Variants in HOXB3 observed in about 807,000 individuals in gnomAD.
HOXB3 encodes the protein homeobox protein Hox-B3.
A neutral mutation model predicts 29.2 loss-of-function variants in HOXB3; 17 were observed. The ratio of observed to expected loss-of-function variants is 0.58; its 90% CI spans 0.40 to 0.87. The LOEUF (loss-of-function observed/expected upper bound fraction) is 0.87, where lower values mean the gene tolerates loss of function less well. Among genes scored for constraint, HOXB3 ranks in the 40% least tolerant of loss-of-function variants. The pLI, the probability that HOXB3 is intolerant of heterozygous loss-of-function variation, is 0.00. For synonymous variants in HOXB3, 317 were observed against 285.9 expected (o/e 1.11, Z -1.10); for missense variants, 637 against 616.3 (o/e 1.03, Z -0.35).
Position 48,554,129 on chromosome 17 carries a change from C to A in HOXB3, c.-159+1402G>T, listed in dbSNP as rs2068868121. Among the ~76,000 whole-genome samples the A allele has an allele frequency of 6.6e-6, 1 of 152,224 alleles. No individual in the cohort carries two copies. The highest frequency in any genetic ancestry group is 2.1e-4 in the South Asian group (1 of 4,830). On this transcript the variant is annotated intron_variant, in intron 3 of 4. Coordinates refer to ENST00000498678, the MANE Select transcript of HOXB3 (RefSeq NM_001384749.1). This position sits in a 1 kb window ranked among gnomAD's most constrained non-coding sequence, Gnocchi z 4.1. Reference sequence around the variant, plus strand: ...GAGAACCAGAGTTCAATTGACCAGGCTGACCCAATCCCTTTATTATTATTA... The same window carrying A: ...GAGAACCAGAGTTCAATTGACCAGGATGACCCAATCCCTTTATTATTATTA...
chr17:48,569,122 C>T (rs1291085032), intron 2 of HOXB3, among the ~76,000 whole-genome samples: 1 of 151,484 alleles, frequency 6.6e-6, no homozygotes, highest in Non-Finnish European at 1.5e-5. Context: ...TTGAATTGCA[C>T]GTCAGAAACA....
chr17:48,558,429 T>C (rs780965193), intron 2 of HOXB3, among the ~76,000 whole-genome samples: 1 of 152,114 alleles, frequency 6.6e-6, no homozygotes, highest in African/African-American at 2.4e-5. Flanking sequence ...AGAGGACATA[T>C]ACCCCCAAAT....
At chr17:48,557,948 A>G (rs1042322990) in intron 2 of HOXB3, among the ~76,000 whole-genome samples, 5 of 151,812 alleles carry the variant, frequency 3.3e-5, no homozygotes, top group Non-Finnish European at 7.4e-5. Flanking sequence ...ACCCCATGTA[A>G]CTTTGAGCTT....
chr17:48,573,199 C>G (rs1010556119), intron 2 of HOXB3, among the ~76,000 whole-genome samples: 5 of 152,186 alleles, frequency 3.3e-5, no homozygotes, highest in African/African-American at 1.2e-4. Context: ...AGAAATATTT[C>G]TGCATCAGTC....
chr17:48,584,073 C>A (rs969095940), intron 1 of HOXB3, among the ~76,000 whole-genome samples: 2 of 152,154 alleles, frequency 1.3e-5, no homozygotes, highest in African/African-American at 4.8e-5. Context: ...TAGACATATG[C>A]CCCAGTGTTA....
chr17:48,566,799 G>A (rs11652148), intron 2 of HOXB3, among the ~76,000 whole-genome samples: 112,999 of 152,068 alleles, frequency 0.74, 43,616 homozygotes, highest in Non-Finnish European at 0.84. Flanking sequence ...CTGGACCACC[G>A]GTTTGAGGGA....
chr17:48,570,995 A>G (rs1312672112), intron 2 of HOXB3, among the ~76,000 whole-genome samples: 1 of 152,240 alleles, frequency 6.6e-6, no homozygotes. Context: ...GAAGACAGCA[A>G]TCTCTAAAAC....
At chr17:48,571,769 T>C (rs919576511) in intron 2 of HOXB3, among the ~76,000 whole-genome samples, 17 of 152,224 alleles carry the variant, frequency 1.1e-4, no homozygotes, top group Non-Finnish European at 2.4e-4. Flanking sequence ...TTTGTGCTCA[T>C]CCTCTGTCTT....
chr17:48,566,335 C>T (rs1341863343), intron 2 of HOXB3, among the ~76,000 whole-genome samples: 1 of 152,118 alleles, frequency 6.6e-6, no homozygotes, highest in Non-Finnish European at 1.5e-5. Flanking sequence ...GGATGGTCCC[C>T]TTGCTTTGTC....
chr17:48,572,893 A>T (rs1190906968), intron 2 of HOXB3, among the ~76,000 whole-genome samples: 2 of 152,162 alleles, frequency 1.3e-5, no homozygotes, highest in African/African-American at 4.8e-5. Context: ...CAGCGAGGTC[A>T]AGGGGCTTCC....
intron 2 of HOXB3, among the ~76,000 whole-genome samples, chr17:48,564,618 C>T (rs1339085130): frequency 6.6e-6 from 1 of 152,260 alleles, no homozygotes; most frequent in Non-Finnish European, 1.5e-5. Context: ...GCCAAGTTGC[C>T]AGGCGAGAGG....
At chr17:48,582,008 G>A (rs1399788298) in intron 1 of HOXB3, 2 of 152,266 alleles carry the variant, frequency 1.3e-5, no homozygotes, top group Non-Finnish European at 2.9e-5. Flanking sequence ...CGCGCGAGCT[G>A]AGCCACCTCC....
chr17:48,570,068 A>G (rs1296105477), intron 2 of HOXB3, among the ~76,000 whole-genome samples: 2 of 152,046 alleles, frequency 1.3e-5, no homozygotes, highest in African/African-American at 4.8e-5. Flanking sequence ...TGAACAGGAG[A>G]GGAGGGAAAA....
intron 2 of HOXB3, chr17:48,557,085 G>A (rs1490430969): frequency 6.6e-6 from 1 of 152,406 alleles, no homozygotes; most frequent in East Asian, 1.9e-4. Context: ...TTGGGACAGG[G>A]GGTGGGGAAT....
At chr17:48,553,346 G>C (rs1258421894) in intron 3 of HOXB3, 2 of 152,298 alleles carry the variant, frequency 1.3e-5, no homozygotes, top group Admixed American at 6.5e-5. Flanking sequence ...ACCTGGGATC[G>C]GGCAGCCAGT....
intron 2 of HOXB3, among the ~76,000 whole-genome samples, chr17:48,572,008 C>G (rs572390539): frequency 1.3e-5 from 2 of 152,330 alleles, no homozygotes; most frequent in East Asian, 3.9e-4. Flanking sequence ...GTCTCTCTTT[C>G]TCTTTCTCTT....
chr17:48,553,849 C>G lies in HOXB3; in HGVS notation c.-158-1217G>C, dbSNP rs188561982. ...CATCTCTCCCAACTCTTCACCATCA[C>G]TTTTCATAAAACCTCCATACTGCCA... On this transcript the variant is annotated intron_variant, in intron 3 of 4. Transcript: ENST00000498678. 4.5e-4 allele frequency: 69 copies of G among 152,346 alleles called. 1 individual carries two copies. Among genetic ancestry groups the G allele is most frequent in the African/African-American group, 1.6e-3 (67 of 41,574 alleles). 9.4% of individuals were successfully genotyped at this position (152,346 alleles called of 1,614,324 possible).
intron 2 of HOXB3, among the ~76,000 whole-genome samples, chr17:48,566,678 GCTAAT>G (rs1308291755): frequency 6.6e-6 from 1 of 152,152 alleles, no homozygotes; most frequent in Non-Finnish European, 1.5e-5. Flanking sequence ...GAATTCAGAA[GCTAAT>G]ACAAATGATT....
chr17:48,567,916 C>T (rs2069441660), intron 2 of HOXB3, among the ~76,000 whole-genome samples: 2 of 152,138 alleles, frequency 1.3e-5, no homozygotes, highest in South Asian at 4.1e-4. Flanking sequence ...GCTTCTCTCC[C>T]TGCCCTTCAC....
Sources: gnomAD v4.1 joint callset for allele counts (sites outside exome capture counted in the v4.1 genomes callset) on GRCh38, gnomAD v4.1.1 for gene constraint, Gnocchi (gnomAD v3.1) non-coding constraint, MANE v1.5 for transcripts, NCBI Gene and HGNC (gene_info 2026-07-23, HGNC 2026-07-21) for gene names.